C2CD2: variants seen among roughly 807,000 people sequenced by gnomAD.
C2CD2 encodes the protein C2 domain-containing protein 2.
Under a neutral mutation model 74.3 loss-of-function variants are expected in C2CD2, and 43 were observed. That is an observed-to-expected ratio of 0.58 (90% confidence interval 0.45 to 0.75). The LOEUF is 0.75. Ranked by LOEUF, C2CD2 falls within the 30% of genes least tolerant of loss-of-function variation. The pLI is 0.00. For missense variants in C2CD2, 801 were observed against 916.3 expected (o/e 0.87, Z 1.63); for synonymous variants, 422 against 390.7 (o/e 1.08, Z -0.94).
At chr21:41,906,402 GT>G (rs2064962395) in intron 10 of C2CD2, among the ~76,000 whole-genome samples, 1 of 152,190 alleles carries the variant, frequency 6.6e-6, no homozygotes, top group South Asian at 2.1e-4. Context: ...ATTTGCTCTT[GT>G]TGTCCAGGCT....
In C2CD2 at chr21:41,942,205, T is replaced by A. The variant is rs1158844399; in HGVS notation, c.320A>T (p.Gln107Leu). Residue 107 changes from glutamine to leucine, a missense_variant, in exon 2 of 14, where the codon CAG (glutamine) becomes CTG (leucine). By Grantham distance (113) the Gln-to-Leu change is moderately radical (BLOSUM62 -2). Coordinates refer to ENST00000380486, the MANE Select transcript of C2CD2 (RefSeq NM_015500.2). ...CTCCTGCACCACCAGCTCCAGTGCC[T>A]GCTGCCGCGGGTCCTCCTCAAAGGA... ...FLSFEEDPRQ[Q>L]ALELVVQEVS... 2.6e-6 allele frequency: 4 copies of A among 1,549,568 alleles called. No homozygotes were observed. The highest frequency in any genetic ancestry group is 2.6e-6 in the Non-Finnish European group (3 of 1,146,824).
In C2CD2 at chr21:41,940,144, C is replaced by T. The variant is rs537191105; in HGVS notation, c.378+2003G>A. ...AAAAAGATCTGATACCCGAAACACT[C>T]CTGGCCCCAAGAATTTCAGGTAAGG... On this transcript the variant is annotated intron_variant, in intron 2 of 13. Transcript: ENST00000380486. Among the ~76,000 whole-genome samples the T allele has an allele frequency of 2.0e-5, 3 of 152,266 alleles. No individual in the cohort carries two copies. In the East Asian group the frequency reaches 5.8e-4, roughly 29 times the overall value.
intron 5 of C2CD2, among the ~76,000 whole-genome samples, chr21:41,916,445 G>A (rs930580817): frequency 3.3e-5 from 5 of 152,270 alleles, no homozygotes; most frequent in East Asian, 1.9e-4. Context: ...TGCTTGAGCC[G>A]GGAAAGGGGC....
At chr21:41,898,966 G>A (rs767791077) in intron 13 of C2CD2, 87 bp downstream of exon 13, 12 of 991,554 alleles carry the variant, frequency 1.2e-5, no homozygotes, top group Non-Finnish European at 1.7e-5. Flanking sequence ...CAAAGGGAAG[G>A]AAGGCAGATG....
At chr21:41,934,795 C>T (rs1226611764) in intron 2 of C2CD2, among the ~76,000 whole-genome samples, 4 of 151,810 alleles carry the variant, frequency 2.6e-5, no homozygotes, top group East Asian at 1.9e-4. Context: ...AGAGAAAGAA[C>T]GGAGCAAGGA....
At position 41,912,429 on chromosome 21, in the gene C2CD2, C is replaced by A; in HGVS notation, c.856G>T (p.Ala286Ser). ...TCGTTCAGCTGCACGACGCACACTG[C>A]ATTAATGTGGCCTGTAATTAAATAG... ...SEPGASGHIN[A>S]VCVVQLNDPV... Residue 286 changes from alanine to serine, a missense_variant, in exon 7 of 14, where the codon GCA becomes TCA. Ala to Ser is a moderately conservative substitution (Grantham distance 99, BLOSUM62 1). Transcript: ENST00000380486. The A allele has an allele frequency of 1.2e-6, 2 of 1,603,206 alleles. No individual in the cohort carries two copies. The highest frequency in any genetic ancestry group is 1.7e-6 in the Non-Finnish European group (2 of 1,174,622).
In C2CD2 at chr21:41,945,962, G is replaced by T. The variant is rs530154384; in HGVS notation, c.280-3717C>A. Among the ~76,000 whole-genome samples, 2 of 152,282 alleles carry T rather than the reference G, an allele frequency of 1.3e-5. No individual in the cohort carries two copies. Among genetic ancestry groups the T allele is most frequent in the Non-Finnish European group, 2.9e-5 (2 of 68,026 alleles). On this transcript the variant is annotated intron_variant, in intron 1 of 13. Transcript: ENST00000380486. The surrounding 1 kb of genome is among the most constrained non-coding windows in gnomAD (Gnocchi z 4.2). ...CTGATACAACAATATAATAAATAGT[G>T]ATAGTATGGGATTATAACCCACAGA...
intron 2 of C2CD2, among the ~76,000 whole-genome samples, chr21:41,936,396 C>T (rs901486879): frequency 2.0e-5 from 3 of 152,140 alleles, no homozygotes; most frequent in Admixed American, 6.5e-5. Context: ...GGAGATATCA[C>T]GTCAAACCTG....
chr21:41,950,321 C>A (rs1052206377), intron 1 of C2CD2, among the ~76,000 whole-genome samples: 8 of 152,172 alleles, frequency 5.3e-5, no homozygotes, highest in African/African-American at 1.9e-4. Flanking sequence ...CTCCTGTGAT[C>A]CCTGCACACC....
In C2CD2 at chr21:41,897,073, C is replaced by T. The variant is rs116484999; in HGVS notation, c.1870+1980G>A. ...AGCCCCAGCCCCCAACACACCTGCC[C>T]GACACCCAGTCCCCAAAGGGTGGAC... On this transcript the variant is annotated intron_variant, in intron 13 of 13. Transcript: ENST00000380486. Among the ~76,000 whole-genome samples the T allele has an allele frequency of 6.9e-3, 1,049 of 152,282 alleles. 13 individuals carry two copies. The highest frequency in any genetic ancestry group is 0.024 in the African/African-American group (993 of 41,550).
rs1393608431 is a variant in C2CD2, at chr21:41,929,867, G to A, written c.379-7782C>T. 1.3e-5 allele frequency among the ~76,000 whole-genome samples: 2 copies of A among 152,212 alleles called. No individual in the cohort carries two copies. The highest frequency in any genetic ancestry group is 4.8e-5 in the African/African-American group (2 of 41,460). On this transcript the variant is annotated intron_variant, in intron 2 of 13. Coordinates refer to ENST00000380486, the MANE Select transcript of C2CD2 (RefSeq NM_015500.2). This position sits in a 1 kb window ranked among gnomAD's most constrained non-coding sequence, Gnocchi z 4.6. ...AGCAGAGTATGATGAACAAGAGCAGGTCTGGTATAAAGACAGTGACTTTGC... is the reference window on the plus strand; with the variant it reads ...AGCAGAGTATGATGAACAAGAGCAGATCTGGTATAAAGACAGTGACTTTGC...
At chr21:41,900,204 G>T (rs983837249) in intron 12 of C2CD2, among the ~76,000 whole-genome samples, 1 of 152,170 alleles carries the variant, frequency 6.6e-6, no homozygotes, top group Non-Finnish European at 1.5e-5. Context: ...AACCTGGGAG[G>T]CGGAGCTTGC....
At position 41,916,664 on chromosome 21, in the gene C2CD2, TACACACACACACACACAC is replaced by T. The variant is rs10580778; in HGVS notation, c.720+1423_720+1440del. 1.1e-4 allele frequency among the ~76,000 whole-genome samples: 16 copies of T among 144,752 alleles called. No individual in the cohort carries two copies. The East Asian group carries it at 2.3e-3, about 21-fold the overall frequency. The allele number at this position is 144,752 out of a possible 152,430, so 95.0% of individuals were successfully genotyped here. On this transcript the variant is annotated intron_variant, in intron 5 of 13. Transcript: ENST00000380486. ...AGCCTTCATAACTGTGTGAGCTGATTACACACACACACACACACACACACACACACACACACACACACT... is the reference window on the plus strand; with the variant it reads ...AGCCTTCATAACTGTGTGAGCTGATTACACACACACACACACACACACACT...
At chr21:41,953,274 G>A in intron 1 of C2CD2, 96 bp downstream of exon 1, 1 of 789,500 alleles carries the variant, frequency 1.3e-6, no homozygotes, top group Non-Finnish European at 1.9e-6. Context: ...CCTTAGCCTG[G>A]GTCAGGGGCT....
chr21:41,908,258 T>TGTGTGTGTGTGTGTGTGTGTGG, intron 8 of C2CD2: 1 of 181,560 alleles, frequency 5.5e-6, no homozygotes, highest in Non-Finnish European at 1.1e-5. Flanking sequence ...TGTGTGTGTG[T>TGTGTGTGTGTGTGTGTGTGTGG]GTGTAAAAGA....
chr21:41,922,906 T>C (rs2065170746), intron 2 of C2CD2, among the ~76,000 whole-genome samples: 1 of 152,232 alleles, frequency 6.6e-6, no homozygotes, highest in Non-Finnish European at 1.5e-5. Context: ...AAACAATGTT[T>C]CAAATCTTTG....
At chr21:41,894,658 G>A (rs532675972) in intron 13 of C2CD2, 8 of 456,594 alleles carry the variant, frequency 1.8e-5, no homozygotes, top group South Asian at 3.1e-5. Context: ...AATGAGTTGC[G>A]TCTCCAGAGA....
intron 5 of C2CD2, among the ~76,000 whole-genome samples, chr21:41,916,229 A>G (rs1048190613): frequency 6.6e-6 from 1 of 152,126 alleles, no homozygotes; most frequent in African/African-American, 2.4e-5. Context: ...GGTTAACTGT[A>G]TGTGTCGACT....
At chr21:41,910,067 C>G (rs1415031570) in intron 7 of C2CD2, among the ~76,000 whole-genome samples, 1 of 151,100 alleles carries the variant, frequency 6.6e-6, no homozygotes, top group African/African-American at 2.4e-5. Context: ...CTCCTGAGCT[C>G]AAGCCATCCT....
Sources: gnomAD v4.1 joint callset for allele counts (sites outside exome capture counted in the v4.1 genomes callset) on GRCh38, gnomAD v4.1.1 for gene constraint, Gnocchi (gnomAD v3.1) non-coding constraint, MANE v1.5 for transcripts, NCBI Gene and HGNC (gene_info 2026-07-23, HGNC 2026-07-21) for gene names.